Variants in GUCY2C observed in about 807,000 individuals in gnomAD.
GUCY2C encodes the protein guanylyl cyclase C.
A neutral mutation model predicts 131.1 loss-of-function variants in GUCY2C; 118 were observed. That is an observed-to-expected ratio of 0.90 (90% confidence interval 0.78 to 1.05). The LOEUF is 1.05. Among genes scored for constraint, GUCY2C ranks in the 50% least tolerant of loss-of-function variants. GUCY2C has a pLI of 0.00. For missense variants in GUCY2C, 1,161 were observed against 1,304.4 expected (o/e 0.89, Z 1.69); for synonymous variants, 452 against 457.8 (o/e 0.99, Z 0.16).
chr12:14,657,092 G>A (rs1276799160), intron 11 of GUCY2C, among the ~76,000 whole-genome samples: 2 of 152,176 alleles, frequency 1.3e-5, no homozygotes, highest in African/African-American at 2.4e-5. Flanking sequence ...CCTGCTGTGC[G>A]GTTGGTTCCT....
At chr12:14,631,490 T>C (rs1435988993) in intron 19 of GUCY2C, among the ~76,000 whole-genome samples, 1 of 152,024 alleles carries the variant, frequency 6.6e-6, no homozygotes, top group Non-Finnish European at 1.5e-5. Flanking sequence ...GTTTGGTTTT[T>C]TGTCCTTGCA....
At chr12:14,682,809 C>T (rs957395107) in intron 4 of GUCY2C, among the ~76,000 whole-genome samples, 3 of 152,136 alleles carry the variant, frequency 2.0e-5, no homozygotes, top group South Asian at 2.1e-4. Flanking sequence ...CTGATGTGAA[C>T]GTACTTTCAA....
At chr12:14,614,785 A>G (rs1214215976) in intron 26 of GUCY2C, 82 bp downstream of exon 26, 1 of 786,010 alleles carries the variant, frequency 1.3e-6, no homozygotes, top group Non-Finnish European at 2.1e-6. Flanking sequence ...CTTGTAAGGC[A>G]TTTGCCAATT....
At chr12:14,650,379 C>T (rs1047932297) in intron 15 of GUCY2C, among the ~76,000 whole-genome samples, 1 of 152,164 alleles carries the variant, frequency 6.6e-6, no homozygotes, top group Non-Finnish European at 1.5e-5. Context: ...TCCCAAGTAG[C>T]TGGAATTACA....
Position 14,647,607 on chromosome 12 carries a change from A to T in GUCY2C, c.1711-2292T>A, listed in dbSNP as rs200354699. 1.3e-4 allele frequency among the ~76,000 whole-genome samples: 20 copies of T among 152,324 alleles called. No homozygotes were observed. The East Asian group carries it at 3.5e-3, about 26-fold the overall frequency. Reference sequence around the variant, plus strand: ...ATAACTTAACAATCAGCTCTGAGCTAGTACCAGCCAGTTCCAGCACATCAT... The same window carrying T: ...ATAACTTAACAATCAGCTCTGAGCTTGTACCAGCCAGTTCCAGCACATCAT... On this transcript the variant is annotated intron_variant, in intron 15 of 26. Coordinates refer to ENST00000261170, the MANE Select transcript of GUCY2C (RefSeq NM_004963.4).
chr12:14,647,461 G>A (rs1484713726), intron 15 of GUCY2C, among the ~76,000 whole-genome samples: 3 of 152,030 alleles, frequency 2.0e-5, no homozygotes, highest in African/African-American at 7.3e-5. Context: ...TCGGTAAATC[G>A]GCTCTCTGTT....
intron 19 of GUCY2C, among the ~76,000 whole-genome samples, chr12:14,635,508 C>T (rs1947249377): frequency 6.6e-6 from 1 of 151,796 alleles, no homozygotes; most frequent in Non-Finnish European, 1.5e-5. Context: ...ATCAAAAAAT[C>T]AGAAAAAATT....
intron 17 of GUCY2C, among the ~76,000 whole-genome samples, chr12:14,641,982 A>T (rs11056076): frequency 0.069 from 10,551 of 151,968 alleles, 975 homozygotes; most frequent in African/African-American, 0.21. Context: ...TATTTTATTT[A>T]AATTATTATA....
chr12:14,642,439 T>A (rs7980384), intron 17 of GUCY2C, among the ~76,000 whole-genome samples: 149,936 of 152,320 alleles, frequency 0.98, 73,827 homozygotes, highest in Middle Eastern at 1. Flanking sequence ...ACATGTATAG[T>A]TTCATGTTGT....
intron 6 of GUCY2C, among the ~76,000 whole-genome samples, chr12:14,677,741 T>TTA (rs1324201731): frequency 6.7e-6 from 1 of 148,974 alleles, no homozygotes; most frequent in Admixed American, 6.7e-5. Flanking sequence ...CAGCTATTTT[T>TTA]TTTTTTTTTT....
intron 5 of GUCY2C, among the ~76,000 whole-genome samples, chr12:14,680,835 C>A (rs1272148154): frequency 6.6e-6 from 1 of 152,108 alleles, no homozygotes; most frequent in Non-Finnish European, 1.5e-5. Context: ...TCCAATTAGG[C>A]TTTCCTACTT....
intron 1 of GUCY2C, 96 bp from the exon 2 acceptor site, chr12:14,688,159 A>T: frequency 1.3e-6 from 1 of 768,818 alleles, no homozygotes; most frequent in East Asian, 2.5e-5. Flanking sequence ...ATGGATATCC[A>T]TTTTCAGGCC....
In GUCY2C at chr12:14,696,536, G is replaced by A. The variant is rs1948658414; in HGVS notation, c.-88C>T. On this transcript the variant is annotated 5_prime_UTR_variant, in exon 1 of 27. Transcript: ENST00000261170. The stretch of plus-strand genomic sequence containing the variant: ...GGGAGGCAGGGAATCCAGATGGACA[G>A]CCTCTAGTGGAGTCCCTCAGCCCAC... 1.1e-6 allele frequency: 1 copy of A among 941,824 alleles called. No individual in the cohort carries two copies. The highest frequency in any genetic ancestry group is 1.6e-5 in the African/African-American group (1 of 61,978). 58.3% of individuals were successfully genotyped at this position (941,824 alleles called of 1,614,324 possible).
At chr12:14,665,435 A>G (rs1947958693) in intron 10 of GUCY2C, among the ~76,000 whole-genome samples, 1 of 152,154 alleles carries the variant, frequency 6.6e-6, no homozygotes, top group Non-Finnish European at 1.5e-5. Context: ...ATAAGTAGGG[A>G]GATTACGGGC....
intron 15 of GUCY2C, among the ~76,000 whole-genome samples, chr12:14,650,271 C>G (rs976238722): frequency 1.3e-5 from 2 of 152,062 alleles, no homozygotes; most frequent in Non-Finnish European, 2.9e-5. Context: ...ATTTTTGAGA[C>G]GGAGTCTCGC....
At chr12:14,651,015 G>T (rs1947645748) in intron 15 of GUCY2C, among the ~76,000 whole-genome samples, 1 of 152,102 alleles carries the variant, frequency 6.6e-6, no homozygotes, top group Non-Finnish European at 1.5e-5. Context: ...CAAGAGTGGA[G>T]TAATAATTTG....
intron 1 of GUCY2C, among the ~76,000 whole-genome samples, chr12:14,696,022 G>C (rs1948648681): frequency 6.6e-6 from 1 of 152,140 alleles, no homozygotes; most frequent in Non-Finnish European, 1.5e-5. Context: ...GTCAGGGCTA[G>C]TCCCAGAGCA....
At chr12:14,644,588 T>G (rs1947476667) in intron 16 of GUCY2C, among the ~76,000 whole-genome samples, 1 of 152,172 alleles carries the variant, frequency 6.6e-6, no homozygotes, top group Admixed American at 6.5e-5. Flanking sequence ...ACAACCAACT[T>G]GTCTTCATTC....
chr12:14,647,903 G>A (rs1453775485), intron 15 of GUCY2C, among the ~76,000 whole-genome samples: 1 of 151,404 alleles, frequency 6.6e-6, no homozygotes, highest in Non-Finnish European at 1.5e-5. Context: ...TTTAGTATTT[G>A]AGGCTTTTGC....
Sources: allele counts gnomAD v4.1 joint callset (sites outside exome capture counted in the v4.1 genomes callset), GRCh38; gene constraint gnomAD v4.1.1; transcripts MANE v1.5; gene names NCBI Gene and HGNC (gene_info 2026-07-23, HGNC 2026-07-21).